The following PRKCE variants were observed in gnomAD, a reference collection of about 807,000 sequenced individuals.
PRKCE encodes protein kinase C epsilon, also known as protein kinase C epsilon type.
Under a neutral mutation model 85.4 loss-of-function variants are expected in PRKCE, and 16 were observed. The observed-to-expected ratio is 0.19, with a 90% CI of 0.13 to 0.28. The LOEUF (loss-of-function observed/expected upper bound fraction) is 0.28, where lower values mean the gene tolerates loss of function less well. Among genes scored for constraint, PRKCE ranks in the 10% least tolerant of loss-of-function variants. The pLI is 1.00. For synonymous variants in PRKCE, 388 were observed against 371.5 expected (o/e 1.04, Z -0.51); for missense variants, 573 against 975.2 (o/e 0.59, Z 5.49).
chr2:45,853,755 A>G (rs753506284), intron 2 of PRKCE, among the ~76,000 whole-genome samples: 2 of 152,178 alleles, frequency 1.3e-5, no homozygotes, highest in African/African-American at 2.4e-5. Flanking sequence ...GCTTTGGATA[A>G]TCGGTTCTTT....
At chr2:45,992,735 C>G (rs1703907581) in intron 6 of PRKCE, among the ~76,000 whole-genome samples, 1 of 152,210 alleles carries the variant, frequency 6.6e-6, no homozygotes, top group South Asian at 2.1e-4. Context: ...GAGGAATTCC[C>G]AGGAGCCTGG....
chr2:46,071,265 AT>A (rs1249028630), intron 10 of PRKCE, among the ~76,000 whole-genome samples: 2 of 152,220 alleles, frequency 1.3e-5, no homozygotes, highest in Non-Finnish European at 2.9e-5. Context: ...GAAGTCCTCT[AT>A]AAATATGTAC....
chr2:45,982,127 T>G (rs1238864015), intron 5 of PRKCE, among the ~76,000 whole-genome samples: 1 of 152,208 alleles, frequency 6.6e-6, no homozygotes, highest in East Asian at 1.9e-4. Context: ...TTGGTGGAGT[T>G]GACTCCCAGT....
At chr2:45,785,519 T>C (rs979553920) in intron 1 of PRKCE, among the ~76,000 whole-genome samples, 21 of 150,970 alleles carry the variant, frequency 1.4e-4, no homozygotes, top group African/African-American at 4.6e-4. Flanking sequence ...AAAAGAAATG[T>C]AAGTGGTAAA....
At chr2:45,954,614 G>C (rs1700846638) in intron 2 of PRKCE, among the ~76,000 whole-genome samples, 2 of 152,204 alleles carry the variant, frequency 1.3e-5, no homozygotes, top group African/African-American at 4.8e-5. Flanking sequence ...ACTTCTACAA[G>C]AGAAAAGTAA....
chr2:46,092,334 G>T (rs1447415235), intron 11 of PRKCE, among the ~76,000 whole-genome samples: 1 of 150,898 alleles, frequency 6.6e-6, no homozygotes, highest in Non-Finnish European at 1.5e-5. Flanking sequence ...TTCCTCCTTA[G>T]ATTCTCCAAG....
chr2:45,908,135 G>A (rs890203310), intron 2 of PRKCE, among the ~76,000 whole-genome samples: 1 of 152,120 alleles, frequency 6.6e-6, no homozygotes, highest in African/African-American at 2.4e-5. Flanking sequence ...CAAGGGGAAG[G>A]AATTATATCT....
At chr2:45,773,974 C>G (rs992726454) in intron 1 of PRKCE, among the ~76,000 whole-genome samples, 1 of 152,210 alleles carries the variant, frequency 6.6e-6, no homozygotes, top group Non-Finnish European at 1.5e-5. Context: ...CGGTGCTGTC[C>G]GCTGCTGTCA....
chr2:45,994,044 A>G (rs1223330532), intron 6 of PRKCE, among the ~76,000 whole-genome samples: 1 of 152,034 alleles, frequency 6.6e-6, no homozygotes, highest in African/African-American at 2.4e-5. Context: ...TGACCAGGTT[A>G]TGTAGAGCAT....
Position 45,905,399 on chromosome 2 carries a change from G to A in PRKCE, c.412+62336G>A, listed in dbSNP as rs751813461. On this transcript the variant is annotated intron_variant, in intron 2 of 14. Transcript: ENST00000306156. The surrounding 1 kb of genome is among the most constrained non-coding windows in gnomAD (Gnocchi z 4.4). ...TAAACATTATACATATTGATGAGCTGATTGCTAGGAGACTAGTGCTGAGAG... is the reference window on the plus strand; with the variant it reads ...TAAACATTATACATATTGATGAGCTAATTGCTAGGAGACTAGTGCTGAGAG... 6.6e-6 allele frequency among the ~76,000 whole-genome samples: 1 copy of A among 152,252 alleles called. No homozygotes were observed. The highest frequency in any genetic ancestry group is 1.5e-5 in the Non-Finnish European group (1 of 68,040).
intron 5 of PRKCE, among the ~76,000 whole-genome samples, chr2:45,981,655 T>C (rs1702899368): frequency 6.6e-6 from 1 of 152,204 alleles, no homozygotes; most frequent in Non-Finnish European, 1.5e-5. Context: ...ATGACCCCAG[T>C]ACATCACTGT....
intron 2 of PRKCE, among the ~76,000 whole-genome samples, chr2:45,926,359 T>C (rs1411413847): frequency 6.6e-6 from 1 of 152,088 alleles, no homozygotes; most frequent in Non-Finnish European, 1.5e-5. Context: ...CTTTCACAAG[T>C]AGGTTTCCAT....
At position 45,761,143 on chromosome 2, in the gene PRKCE, C is replaced by T. The variant is rs562606517; in HGVS notation, c.349-81857C>T. Among the ~76,000 whole-genome samples the T allele has an allele frequency of 1.4e-4, 21 of 151,936 alleles. No individual in the cohort carries two copies. In the South Asian group the frequency reaches 2.1e-3, roughly 15 times the overall value. Reference sequence around the variant, plus strand: ...GAGATTGAGACCATCTTGGCTAACACGGTGAAACCTCGTCTCTACTAAAAA... The same window carrying T: ...GAGATTGAGACCATCTTGGCTAACATGGTGAAACCTCGTCTCTACTAAAAA... On this transcript the variant is annotated intron_variant, in intron 1 of 14. Transcript: ENST00000306156.
At chr2:45,760,758 T>C (rs1268478836) in intron 1 of PRKCE, among the ~76,000 whole-genome samples, 1 of 152,100 alleles carries the variant, frequency 6.6e-6, no homozygotes, top group African/African-American at 2.4e-5. Flanking sequence ...TTATACCCGG[T>C]GAAAGGATGT....
intron 2 of PRKCE, among the ~76,000 whole-genome samples, chr2:45,854,963 C>A (rs905787516): frequency 1.3e-5 from 2 of 152,200 alleles, no homozygotes; most frequent in African/African-American, 4.8e-5. Context: ...AGCTCACCAG[C>A]AGTTAAATAT....
chr2:45,705,189 T>C lies in PRKCE; in HGVS notation c.348+52741T>C, dbSNP rs574247926. 8.0e-4 allele frequency among the ~76,000 whole-genome samples: 122 copies of C among 152,374 alleles called. 1 individual carries two copies. The highest frequency in any genetic ancestry group is 2.8e-3 in the African/African-American group (116 of 41,594). On this transcript the variant is annotated intron_variant, in intron 1 of 14. Coordinates refer to ENST00000306156, the MANE Select transcript of PRKCE (RefSeq NM_005400.3). ...TTTACCACCATATTTCATGCATACA[T>C]GTGCCCAGTTCTGTGGAGCTCGGTT...
intron 10 of PRKCE, among the ~76,000 whole-genome samples, chr2:46,060,541 A>G (rs1183231858): frequency 3.3e-5 from 5 of 152,074 alleles, no homozygotes; most frequent in Non-Finnish European, 7.4e-5. Context: ...GGAAAACAGT[A>G]CCCAATCTTG....
chr2:46,048,499 C>T (rs930387465), intron 10 of PRKCE, among the ~76,000 whole-genome samples: 1 of 152,206 alleles, frequency 6.6e-6, no homozygotes, highest in Non-Finnish European at 1.5e-5. Flanking sequence ...CTGCCAGTGC[C>T]TCCTACCGAG....
rs1219697734 is a variant in PRKCE, at chr2:45,894,221, C to T, written c.412+51158C>T. On this transcript the variant is annotated intron_variant, in intron 2 of 14. Coordinates refer to ENST00000306156, the MANE Select transcript of PRKCE (RefSeq NM_005400.3). ...CTTAGAGCTGATTTTAGCCAGCAAG[C>T]ACTCAGTAGCAGAATCACTGGGGGC... 2.0e-5 allele frequency among the ~76,000 whole-genome samples: 3 copies of T among 151,864 alleles called. No homozygotes were observed. In the East Asian group the frequency reaches 5.8e-4, roughly 29 times the overall value.
Sources: allele counts gnomAD v4.1 joint callset (sites outside exome capture counted in the v4.1 genomes callset), GRCh38; gene constraint gnomAD v4.1.1; non-coding constraint Gnocchi (gnomAD v3.1); transcripts MANE v1.5; gene names NCBI Gene and HGNC (gene_info 2026-07-23, HGNC 2026-07-21).